Variants in EWSR1 observed in about 807,000 individuals in gnomAD.
The protein encoded by EWSR1 is EWS RNA binding protein 1, also known as RNA-binding protein EWS.
Under a neutral mutation model 92.1 loss-of-function variants are expected in EWSR1, and 14 were observed. The observed-to-expected ratio is 0.15, with a 90% CI of 0.10 to 0.24. EWSR1 has a LOEUF of 0.24. EWSR1 is among the 10% of genes least tolerant of loss of function. The probability of loss-of-function intolerance (pLI) is 1.00; values close to 1 mark genes in which losing one functional copy is unlikely to be tolerated. For missense variants in EWSR1, 637 were observed against 870.9 expected (o/e 0.73, Z 3.38); for synonymous variants, 303 against 292.9 (o/e 1.03, Z -0.35).
intron 6 of EWSR1, among the ~76,000 whole-genome samples, chr22:29,283,102 C>T (rs2059742949): frequency 6.6e-6 from 1 of 152,160 alleles, no homozygotes. Context: ...AACATTTTTA[C>T]CACTCTAAGT....
At chr22:29,269,797 C>T (rs972781914) in intron 1 of EWSR1, 2 of 152,248 alleles carry the variant, frequency 1.3e-5, no homozygotes, top group Non-Finnish European at 2.9e-5. Flanking sequence ...CCCTCTTCTG[C>T]TCTGCAAAAG....
At chr22:29,291,658 A>C (rs2060450252) in intron 9 of EWSR1, 59 bp downstream of exon 9, 2 of 1,492,718 alleles carry the variant, frequency 1.3e-6, no homozygotes, top group Non-Finnish European at 1.8e-6. Context: ...CAGTTTTTAG[A>C]AAACTATAAT....
intron 8 of EWSR1, chr22:29,289,588 G>C: frequency 4.3e-6 from 1 of 232,316 alleles, no homozygotes; most frequent in Non-Finnish European, 8.5e-6. Flanking sequence ...TAATCCAGAA[G>C]GCTTAGTTCT....
At chr22:29,300,095 A>C (rs202084111) in intron 16 of EWSR1, 27 bp from the exon 17 acceptor site, 6 of 1,596,724 alleles carry the variant, frequency 3.8e-6, no homozygotes, top group African/African-American at 2.9e-5. Flanking sequence ...TTCCCATTCT[A>C]ACCGAAGGGC....
rs2060856102 is a variant in EWSR1, at chr22:29,296,310, T to TGTGGCCCAAA, written c.1237_1238insTGGCCCAAAG (p.Ala413ValfsTer9). On this transcript the variant is annotated frameshift_variant, in exon 12 of 17. Transcript: ENST00000397938. LOFTEE classifies it high-confidence loss of function. ...AGGAAACAGGAAAGCCCAAAGGCGA[T>TGTGGCCCAAA]GCCACAGTGTCCTATGAAGACCCAC... 1 of 1,614,120 alleles carries TGTGGCCCAAA rather than the reference T, an allele frequency of 6.2e-7. No homozygotes were observed.
In EWSR1 at chr22:29,272,405, A is replaced by G. The variant is rs776256103; in HGVS notation, c.76A>G (p.Thr26Ala). ...QGYSAYTAQPTQGYAQTTQAY... is the reference protein window; with the variant it reads ...QGYSAYTAQPAQGYAQTTQAY... ...CTACAGTGCTTACACCGCCCAGCCC[A>G]CTCAAGGATATGCACAGACCACCCA... is the stretch of plus-strand genomic sequence containing the variant. Residue 26 changes from threonine (T) to alanine (A), a missense_variant, in exon 3 of 17, where the codon ACT (threonine) becomes GCT (alanine). Physicochemically the swap from Thr to Ala is moderately conservative, Grantham distance 58 (BLOSUM62 0). Around this residue, in one of 5 missense-constraint regions of EWSR1, gnomAD observed 144 missense variants for 189.0 expected, o/e 0.76. Coordinates refer to ENST00000397938, the MANE Select transcript of EWSR1 (RefSeq NM_005243.4). The G allele has an allele frequency of 1.3e-5, 21 of 1,613,174 alleles. No individual in the cohort carries two copies. Among genetic ancestry groups the G allele is most frequent in the South Asian group, 1.1e-4 (10 of 91,040 alleles).
intron 7 of EWSR1, among the ~76,000 whole-genome samples, chr22:29,287,465 C>G (rs1312534108): frequency 6.6e-6 from 1 of 152,216 alleles, no homozygotes; most frequent in Non-Finnish European, 1.5e-5. Flanking sequence ...GCCTCAGCCA[C>G]CCAGAGTGTT....
At chr22:29,270,240 C>G (rs1445729008) in intron 1 of EWSR1, among the ~76,000 whole-genome samples, 1 of 152,138 alleles carries the variant, frequency 6.6e-6, no homozygotes, top group East Asian at 1.9e-4. Flanking sequence ...CGTATGTTAT[C>G]TCATGTAGAA....
chr22:29,280,887 T>G lies in EWSR1; in HGVS notation c.414-1503T>G, dbSNP rs1323279514. 4.1e-3 allele frequency among the ~76,000 whole-genome samples: 496 copies of G among 121,802 alleles called. 8 individuals are homozygous for G. The highest frequency in any genetic ancestry group is 0.011 in the African/African-American group (375 of 34,614). 79.9% of individuals were successfully genotyped at this position (121,802 alleles called of 152,430 possible). ...GTTTTTTTTTTTTTTTTTTTTTTTT[T>G]TTTTTTTTTTTTGACAGAGTCTTGC... On this transcript the variant is annotated intron_variant, in intron 5 of 16. Transcript: ENST00000397938.
intron 8 of EWSR1, chr22:29,291,048 C>CT (rs2060405671): frequency 4.2e-6 from 1 of 236,636 alleles, no homozygotes; most frequent in East Asian, 6.0e-5. Context: ...TGAAGATTGG[C>CT]TGGATGCGTC....
In EWSR1 at chr22:29,297,910, C is replaced by A. The variant is rs1226010060; in HGVS notation, c.1378C>A (p.Pro460Thr). 1 of 1,613,964 alleles carries A rather than the reference C, an allele frequency of 6.2e-7. No individual in the cohort carries two copies. Among genetic ancestry groups the A allele is most frequent in the African/African-American group, 1.3e-5 (1 of 74,906 alleles). Residue 460 changes from proline (P) to threonine (T), a missense_variant, in exon 13 of 17, where the codon CCC becomes ACC. Pro to Thr is a conservative substitution (Grantham distance 38, BLOSUM62 -1). This residue lies in a region of EWSR1 where 363 missense variants were observed against 447.8 expected (regional missense o/e 0.81). Transcript: ENST00000397938. ...GAACAGTATGCGGGGTGGTCTGCCA[C>A]CCCGTGAGGGCAGAGGCATGCCACC... ...PMNSMRGGLP[P>T]REGRGMPPPL...
intron 1 of EWSR1, chr22:29,269,143 T>C (rs2058427094): frequency 6.6e-6 from 1 of 152,256 alleles, no homozygotes; most frequent in Admixed American, 6.5e-5. Context: ...AAGGCCAGCC[T>C]GGGTCGAGAG....
At chr22:29,296,422 A>T in intron 12 of EWSR1, 54 bp downstream of exon 12, 1 of 1,600,682 alleles carries the variant, frequency 6.2e-7, no homozygotes, top group Non-Finnish European at 8.5e-7. Context: ...ATATGGCATG[A>T]GGGAGAAACT....
At chr22:29,295,242 A>G (rs1034867488) in intron 11 of EWSR1, among the ~76,000 whole-genome samples, 11 of 152,222 alleles carry the variant, frequency 7.2e-5, no homozygotes, top group Middle Eastern at 3.4e-3. Context: ...TGTATATAAC[A>G]TGTAGTTTAT....
intron 5 of EWSR1, among the ~76,000 whole-genome samples, chr22:29,280,859 GTTGTT>G (rs1569072768): frequency 1.5e-4 from 14 of 91,018 alleles, no homozygotes; most frequent in African/African-American, 5.5e-4. Flanking sequence ...GTGTGTGTGT[GTTGTT>G]TTTTTTTTTT....
chr22:29,269,821 A>C (rs2058511379), intron 1 of EWSR1, among the ~76,000 whole-genome samples: 1 of 152,216 alleles, frequency 6.6e-6, no homozygotes, highest in Non-Finnish European at 1.5e-5. Flanking sequence ...GAAAAGGCAA[A>C]ACGTGTGCGT....
In EWSR1 at chr22:29,296,004, GGA is replaced by G. The variant is rs1197528935; in HGVS notation, c.1165-233_1165-232del. 7.4e-6 allele frequency: 3 copies of G among 403,272 alleles called. No individual in the cohort carries two copies. In the East Asian group the frequency reaches 1.3e-4, roughly 17 times the overall value. The allele number at this position is 403,272 out of a possible 1,614,324, so 25.0% of individuals were successfully genotyped here. ...CCAGCATCAGAAGATGGCTAAGGCA[GGA>G]GTGGGGCCTATCCTGTTCACTTCCA... On this transcript the variant is annotated intron_variant, in intron 11 of 16. Transcript: ENST00000397938.
chr22:29,292,554 G>T lies in EWSR1; in HGVS notation c.1112G>T (p.Ser371Ile), dbSNP rs749141828. 5.6e-6 allele frequency: 9 copies of T among 1,614,060 alleles called. No homozygotes were observed. The highest frequency in any genetic ancestry group is 7.6e-6 in the Non-Finnish European group (9 of 1,179,976). Reference sequence around the variant, plus strand: ...ATTTATGTACAAGGATTAAATGACAGTGTGACTCTAGATGATCTGGCAGAC... The same window carrying T: ...ATTTATGTACAAGGATTAAATGACATTGTGACTCTAGATGATCTGGCAGAC... ...SAIYVQGLND[S>I]VTLDDLADFF... The change falls in exon 11 of 17, where the codon AGT (serine) becomes ATT (isoleucine). Residue 371 changes from serine to isoleucine, a missense_variant. This residue lies in a region of EWSR1 where 363 missense variants were observed against 447.8 expected (regional missense o/e 0.81). Transcript: ENST00000397938.
intron 6 of EWSR1, among the ~76,000 whole-genome samples, chr22:29,285,997 C>T (rs1466953222): frequency 6.6e-6 from 1 of 152,094 alleles, no homozygotes; most frequent in African/African-American, 2.4e-5. Context: ...ACCACCAGGC[C>T]TGGCTAATTT....
Sources: allele counts gnomAD v4.1 joint callset (sites outside exome capture counted in the v4.1 genomes callset), GRCh38; gene constraint gnomAD v4.1.1; regional missense constraint gnomAD v4.1.1; transcripts MANE v1.5; gene names NCBI Gene and HGNC (gene_info 2026-07-23, HGNC 2026-07-21).